The following PSEN1 variants were observed in gnomAD, a reference collection of about 807,000 sequenced individuals.
PSEN1 encodes the protein presenilin 1, also known as presenilin-1.
In PSEN1, 15 loss-of-function variants were observed where a neutral mutation model predicts 53.5. That is an observed-to-expected ratio of 0.28 (90% CI 0.19 to 0.43). PSEN1 has a LOEUF of 0.43. PSEN1 is among the 20% of genes least tolerant of loss of function. PSEN1 has a pLI of 1.00. For synonymous variants in PSEN1, 208 were observed against 209.8 expected (o/e 0.99, Z 0.08); for missense variants, 387 against 571.2 (o/e 0.68, Z 3.29).
At chr14:73,195,030 T>C (rs362366) in intron 7 of PSEN1, among the ~76,000 whole-genome samples, 3 of 152,232 alleles carry the variant, frequency 2.0e-5, no homozygotes, top group African/African-American at 4.8e-5. Flanking sequence ...ATAGAAGTCA[T>C]ATACTCTCTC....
intron 8 of PSEN1, among the ~76,000 whole-genome samples, chr14:73,202,012 G>A (rs923414657): frequency 6.6e-6 from 1 of 151,962 alleles, no homozygotes; most frequent in Non-Finnish European, 1.5e-5. Context: ...CTCCCAAAGT[G>A]CTGGGATTAC....
chr14:73,188,762 T>C (rs1290207059), intron 6 of PSEN1, among the ~76,000 whole-genome samples: 3 of 152,072 alleles, frequency 2.0e-5, no homozygotes, highest in Non-Finnish European at 2.9e-5. Flanking sequence ...GATGGAGGTT[T>C]TCTTTTCTTT....
intron 1 of PSEN1, among the ~76,000 whole-genome samples, chr14:73,138,831 A>G (rs1287503334): frequency 6.7e-5 from 10 of 148,238 alleles, no homozygotes; most frequent in African/African-American, 9.9e-5. Flanking sequence ...GCCGGGCGTG[A>G]TGGCGGGCGC....
intron 5 of PSEN1, among the ~76,000 whole-genome samples, chr14:73,180,644 A>C (rs1325673452): frequency 6.6e-6 from 1 of 152,258 alleles, no homozygotes; most frequent in East Asian, 1.9e-4. Flanking sequence ...ATAACTTATT[A>C]AAGTCAGATG....
intron 8 of PSEN1, among the ~76,000 whole-genome samples, chr14:73,203,670 A>C (rs982961291): frequency 6.6e-6 from 1 of 152,142 alleles, no homozygotes; most frequent in Non-Finnish European, 1.5e-5. Context: ...TTTGTTTTTT[A>C]CTTCTGTCGT....
intron 1 of PSEN1, among the ~76,000 whole-genome samples, chr14:73,139,990 T>C (rs193266824): frequency 1.3e-5 from 2 of 152,320 alleles, no homozygotes; most frequent in Admixed American, 1.3e-4. Flanking sequence ...ACGTAAATAA[T>C]CATTTTTCAT....
At chr14:73,218,936 G>A (rs1326591990) in intron 11 of PSEN1, among the ~76,000 whole-genome samples, 198 bp from the exon 12 acceptor site, 2 of 152,078 alleles carry the variant, frequency 1.3e-5, no homozygotes, top group African/African-American at 4.8e-5. Flanking sequence ...TGTGCATAAT[G>A]AACCCTATGA....
chr14:73,172,677 A>G (rs1255512479), intron 4 of PSEN1, among the ~76,000 whole-genome samples: 1 of 152,214 alleles, frequency 6.6e-6, no homozygotes, highest in Non-Finnish European at 1.5e-5. Context: ...TTTTACAGAG[A>G]TGTTTCTGAC....
rs1018763711 is a variant in PSEN1 at position 73,211,847 on chromosome 14, A to G, written c.1034A>G (p.Asp345Gly). Residue 345 changes from aspartate to glycine, a missense_variant, in exon 10 of 12, where the codon GAC becomes GGC. Asp to Gly is a moderately conservative substitution (Grantham distance 94). Coordinates refer to ENST00000324501, the MANE Select transcript of PSEN1 (RefSeq NM_000021.4). ...GFSEEWEAQR[D>G]SHLGPHRSTP... ...AGTGAGGAATGGGAAGCCCAGAGGG[A>G]CAGTCATCTAGGGCCTCATCGCTCT... The G allele has an allele frequency of 1.4e-5, 22 of 1,613,140 alleles. No homozygotes were observed. Among genetic ancestry groups the G allele is most frequent in the Non-Finnish European group, 1.9e-5 (22 of 1,179,768 alleles).
chr14:73,192,517 T>A (rs879536380), intron 6 of PSEN1, 127 bp from the exon 7 acceptor site: 4 of 723,552 alleles, frequency 5.5e-6, no homozygotes, highest in African/African-American at 1.8e-5. Context: ...ACAGTTGATA[T>A]AGGTTATGGT....
At chr14:73,153,975 A>T (rs1326199979) in intron 3 of PSEN1, among the ~76,000 whole-genome samples, 1 of 152,072 alleles carries the variant, frequency 6.6e-6, no homozygotes, top group Non-Finnish European at 1.5e-5. Context: ...AGGCCTCTCA[A>T]AGTGTTGGGA....
intron 11 of PSEN1, among the ~76,000 whole-genome samples, chr14:73,217,795 A>ATT (rs746495189): frequency 0.18 from 23,091 of 126,180 alleles, 2,548 homozygotes; most frequent in South Asian, 0.26. Context: ...CAAAACTATG[A>ATT]TTTTTTTTTT....
chr14:73,168,993 G>T (rs1042474235), intron 3 of PSEN1: 2 of 152,284 alleles, frequency 1.3e-5, no homozygotes, highest in East Asian at 3.8e-4. Flanking sequence ...ACTGCCTCTT[G>T]CAAGGGGTTT....
intron 5 of PSEN1, among the ~76,000 whole-genome samples, chr14:73,175,393 T>C (rs1246527327): frequency 6.6e-6 from 1 of 151,652 alleles, no homozygotes; most frequent in Non-Finnish European, 1.5e-5. Flanking sequence ...TCGCAAGGGC[T>C]GGGATTACAG....
intron 1 of PSEN1, among the ~76,000 whole-genome samples, chr14:73,138,676 A>G (rs1245508434): frequency 1.3e-5 from 2 of 151,562 alleles, no homozygotes; most frequent in Non-Finnish European, 1.5e-5. Flanking sequence ...AAAGGTAAAA[A>G]AAGGCCGAGC....
intron 10 of PSEN1, among the ~76,000 whole-genome samples, chr14:73,213,107 G>A (rs1386882149): frequency 6.6e-6 from 1 of 152,136 alleles, no homozygotes; most frequent in Admixed American, 6.5e-5. Context: ...GAGTTTTCCA[G>A]ATATCAAAGC....
At chr14:73,149,151 G>T (rs1440882430) in intron 3 of PSEN1, among the ~76,000 whole-genome samples, 1 of 151,990 alleles carries the variant, frequency 6.6e-6, no homozygotes, top group African/African-American at 2.4e-5. Flanking sequence ...AGGAACAGTG[G>T]TGGAAGTTAC....
rs775877656 is a variant in PSEN1 at position 73,217,136 on chromosome 14, A to G, written c.1140A>G (p.Lys380=). ...AGEDPEERGV[K]LGLGDFIFYS... ...ACCTTTCCTTTTTAGGGGGAGTAAA[A>G]CTTGGATTGGGAGATTTCATTTTCT... Residue 380 remains lysine (K), a synonymous_variant, in exon 11 of 12, where the codon AAA becomes AAG. Transcript: ENST00000324501. 47 of 1,614,070 alleles carry G rather than the reference A, an allele frequency of 2.9e-5. No individual in the cohort carries two copies. In the South Asian group the frequency reaches 4.8e-4, roughly 17 times the overall value.
chr14:73,170,388 A>G (rs1897850590), intron 3 of PSEN1, among the ~76,000 whole-genome samples: 1 of 152,202 alleles, frequency 6.6e-6, no homozygotes. Flanking sequence ...TGACACAAGG[A>G]TTTTAAAGTC....
Sources: gnomAD v4.1 joint callset for allele counts (sites outside exome capture counted in the v4.1 genomes callset) on GRCh38, gnomAD v4.1.1 for gene constraint, MANE v1.5 for transcripts, NCBI Gene and HGNC (gene_info 2026-07-23, HGNC 2026-07-21) for gene names.